The following CCDC102B variants were observed in gnomAD, a reference collection of about 807,000 sequenced individuals.
CCDC102B encodes the protein coiled-coil domain-containing protein 102B.
CCDC102B carries 75 observed loss-of-function variants against 57.4 expected under a neutral mutation model. The ratio of observed to expected loss-of-function variants is 1.31; its 90% CI spans 1.08 to 1.58. CCDC102B has a LOEUF of 1.58. Ranked by LOEUF, CCDC102B falls within the 40% of genes most tolerant of loss-of-function variation. The probability of loss-of-function intolerance (pLI) is 0.00; values close to 1 mark genes in which losing one functional copy is unlikely to be tolerated. For missense variants in CCDC102B, 636 were observed against 582.6 expected (o/e 1.09, Z -0.94); for synonymous variants, 206 against 201.9 (o/e 1.02, Z -0.17).
At chr18:68,755,448 A>G (rs1158438165) in intron 2 of CCDC102B, among the ~76,000 whole-genome samples, 2 of 152,186 alleles carry the variant, frequency 1.3e-5, no homozygotes, top group Admixed American at 1.3e-4. Context: ...TCAAAAGAAG[A>G]TAATCCCCAT....
intron 6 of CCDC102B, among the ~76,000 whole-genome samples, chr18:68,957,662 G>A (rs1229264508): frequency 1.3e-5 from 2 of 148,848 alleles, no homozygotes; most frequent in African/African-American, 5.0e-5. Flanking sequence ...AATATCATTA[G>A]TATTTCAATA....
At chr18:68,734,427 G>A (rs536176520) in intron 2 of CCDC102B, among the ~76,000 whole-genome samples, 10 of 152,300 alleles carry the variant, frequency 6.6e-5, no homozygotes, top group African/African-American at 2.4e-4. Flanking sequence ...CATCAGCATT[G>A]CAGAATGTTT....
intron 3 of CCDC102B, among the ~76,000 whole-genome samples, chr18:68,840,144 A>T (rs1385079644): frequency 6.6e-6 from 1 of 152,222 alleles, no homozygotes; most frequent in Non-Finnish European, 1.5e-5. Flanking sequence ...CTAATATATA[A>T]ATAAGGTTCC....
chr18:68,715,508 C>T (rs1243869417), intron 1 of CCDC102B: 1 of 153,342 alleles, frequency 6.5e-6, no homozygotes, highest in Admixed American at 6.5e-5. Flanking sequence ...CTGAGCTGCG[C>T]GACACTCCGT....
At chr18:68,748,213 TGTGTGTGTGTG>T (rs2033703286) in intron 2 of CCDC102B, among the ~76,000 whole-genome samples, 2 of 46,896 alleles carry the variant, frequency 4.3e-5, no homozygotes, top group African/African-American at 1.5e-4. Context: ...CTGGTGTGTG[TGTGTGTGTGTG>T]TGTGTGTGTG....
intron 7 of CCDC102B, among the ~76,000 whole-genome samples, chr18:69,021,164 A>G (rs2051822848): frequency 1.3e-5 from 2 of 152,350 alleles, no homozygotes; most frequent in African/African-American, 4.8e-5. Context: ...CTGACAGAAC[A>G]TTAATTATCT....
intron 4 of CCDC102B, among the ~76,000 whole-genome samples, chr18:68,874,021 A>G (rs944701725): frequency 4.6e-5 from 7 of 151,990 alleles, no homozygotes; most frequent in Non-Finnish European, 7.4e-5. Context: ...TTTAATTTCA[A>G]GAACAGCTGT....
rs555721540 is a variant in CCDC102B at position 69,004,754 on chromosome 18, C to G, written c.1264-6180C>G. ...AGCTTTACAAGGTTAGAGATCGTAT[C>G]TAACTAGTTCACTTTTATATGTAAA... On this transcript the variant is annotated intron_variant, in intron 6 of 7. Transcript: ENST00000360242. Among the ~76,000 whole-genome samples, 5 of 152,208 alleles carry G rather than the reference C, an allele frequency of 3.3e-5. No homozygotes were observed. In the East Asian group the frequency reaches 9.7e-4, roughly 29 times the overall value.
At chr18:68,752,881 C>T (rs1458549411) in intron 2 of CCDC102B, among the ~76,000 whole-genome samples, 1 of 152,034 alleles carries the variant, frequency 6.6e-6, no homozygotes, top group Non-Finnish European at 1.5e-5. Context: ...TATTCTGGTT[C>T]CTACATCAGT....
At chr18:68,926,804 T>A (rs1359755713) in intron 6 of CCDC102B, among the ~76,000 whole-genome samples, 1 of 151,976 alleles carries the variant, frequency 6.6e-6, no homozygotes, top group East Asian at 1.9e-4. Context: ...CACATTTGAT[T>A]TATGTTCATC....
At chr18:68,741,454 AGCT>A (rs2033377096) in intron 2 of CCDC102B, among the ~76,000 whole-genome samples, 1 of 152,208 alleles carries the variant, frequency 6.6e-6, no homozygotes. Flanking sequence ...ATTCTGGGAT[AGCT>A]GAACCATGGG....
intron 7 of CCDC102B, among the ~76,000 whole-genome samples, chr18:69,050,803 T>C (rs1274930587): frequency 1.3e-5 from 2 of 152,138 alleles, no homozygotes; most frequent in African/African-American, 4.8e-5. Flanking sequence ...AAATACCTTA[T>C]TTCGATCAGG....
intron 4 of CCDC102B, among the ~76,000 whole-genome samples, chr18:68,852,082 T>C (rs1228796318): frequency 6.6e-6 from 1 of 152,048 alleles, no homozygotes; most frequent in African/African-American, 2.4e-5. Context: ...AAAAGGAGAT[T>C]GGACCAGGTC....
At chr18:68,834,435 A>ATATATATATATG (rs1219907526) in intron 1 of CCDC102B, among the ~76,000 whole-genome samples, 3 of 109,668 alleles carry the variant, frequency 2.7e-5, no homozygotes, top group Non-Finnish European at 3.8e-5. Flanking sequence ...GTAAATACAT[A>ATATATATATATG]TATATATATA....
chr18:68,842,441 A>G (rs1025213490), intron 3 of CCDC102B, among the ~76,000 whole-genome samples: 4 of 152,042 alleles, frequency 2.6e-5, no homozygotes, highest in Admixed American at 6.6e-5. Context: ...CAAATGAAAC[A>G]GAGTCTACAC....
chr18:68,818,215 C>T (rs1008664948), intron 1 of CCDC102B, among the ~76,000 whole-genome samples: 3 of 118,640 alleles, frequency 2.5e-5, no homozygotes, highest in Non-Finnish European at 3.3e-5. Flanking sequence ...CTGTGCTGTC[C>T]CTGTGGTCTG....
chr18:68,783,848 A>G (rs1032588339), intron 2 of CCDC102B, among the ~76,000 whole-genome samples: 6 of 152,274 alleles, frequency 3.9e-5, no homozygotes, highest in South Asian at 2.1e-4. Context: ...TACGGAGCCT[A>G]TTATATTAAA....
At chr18:68,758,302 A>T (rs554004579) in intron 2 of CCDC102B, among the ~76,000 whole-genome samples, 11 of 151,660 alleles carry the variant, frequency 7.3e-5, no homozygotes, top group South Asian at 4.2e-4. Flanking sequence ...TATATATATA[A>T]AAATAATTTG....
intron 2 of CCDC102B, among the ~76,000 whole-genome samples, chr18:68,755,500 T>A (rs183906558): frequency 8.5e-4 from 130 of 152,272 alleles, no homozygotes; most frequent in Middle Eastern, 3.4e-3. Context: ...CTGTAATAAT[T>A]TTATTATAAG....
Sources: allele counts gnomAD v4.1 joint callset (sites outside exome capture counted in the v4.1 genomes callset), GRCh38; gene constraint gnomAD v4.1.1; transcripts MANE v1.5; gene names NCBI Gene and HGNC (gene_info 2026-07-23, HGNC 2026-07-21).